The following HDAC1 variants were observed in gnomAD, a reference collection of about 807,000 sequenced individuals.
HDAC1 encodes the protein protein deacetylase HDAC1.
A neutral mutation model predicts 65.5 loss-of-function variants in HDAC1; 18 were observed. That is an observed-to-expected ratio of 0.27 (90% CI 0.19 to 0.41). The LOEUF (loss-of-function observed/expected upper bound fraction) is 0.41. Ranked by LOEUF, HDAC1 falls within the 10% of genes least tolerant of loss-of-function variation. The pLI is 1.00. For missense variants in HDAC1, 373 were observed against 625.2 expected, an observed-to-expected ratio of 0.60 and a Z score of 4.30; for synonymous variants, 211 against 227.9, an observed-to-expected ratio of 0.93 and a Z score of 0.67.
At chr1:32,314,654 A>G (rs1641034305) in intron 2 of HDAC1, among the ~76,000 whole-genome samples, 1 of 151,906 alleles carries the variant, frequency 6.6e-6, no homozygotes, top group Non-Finnish European at 1.5e-5. Flanking sequence ...GTGAAACCCC[A>G]TCTCTACTAA....
rs914883379 is a variant in HDAC1, at chr1:32,332,209, G to A, written c.1339G>A (p.Asp447Asn). The A allele has an allele frequency of 1.2e-6, 2 of 1,613,314 alleles. No homozygotes were observed. The highest frequency in any genetic ancestry group is 1.7e-6 in the Non-Finnish European group (2 of 1,179,556). ...AAAAGCCAAGAGAGTCAAAACAGAGGATGAAAAAGAGAAAGACCCAGAGGA... is the reference window on the plus strand; with the variant it reads ...AAAAGCCAAGAGAGTCAAAACAGAGAATGAAAAAGAGAAAGACCCAGAGGA... ...FKKAKRVKTE[D>N]EKEKDPEEKK... The change falls in exon 12 of 14, where the codon GAT becomes AAT. Residue 447 changes from aspartate (D) to asparagine (N), a missense_variant. Around this residue, in one of 4 missense-constraint regions of HDAC1, gnomAD observed 126 missense variants for 126.2 expected, o/e 1.00. Coordinates refer to ENST00000373548, the MANE Select transcript of HDAC1 (RefSeq NM_004964.3).
intron 6 of HDAC1, 126 bp from the exon 7 acceptor site, chr1:32,328,942 G>A: frequency 1.4e-6 from 1 of 726,160 alleles, no homozygotes; most frequent in Non-Finnish European, 2.5e-6. Flanking sequence ...CCTCTGTTCT[G>A]TCCTGGCCCA....
intron 6 of HDAC1, among the ~76,000 whole-genome samples, chr1:32,328,722 G>C (rs542579113): frequency 2.0e-5 from 3 of 152,186 alleles, no homozygotes; most frequent in Non-Finnish European, 4.4e-5. Flanking sequence ...GAGTGGAAAG[G>C]GTTGTCAAGG....
rs1640973239 is a variant in HDAC1 at position 32,310,337 on chromosome 1, A to C, written c.163-6328A>C. The stretch of plus-strand genomic sequence containing the variant: ...TCTGGTTTTCCAAGCCAGGTTAAAG[A>C]GTTTGAACTTGATATTTTGAGTAAT... On this transcript the variant is annotated intron_variant, in intron 2 of 13. Coordinates refer to ENST00000373548, the MANE Select transcript of HDAC1 (RefSeq NM_004964.3). Among the ~76,000 whole-genome samples the C allele has an allele frequency of 2.6e-5, 4 of 152,160 alleles. No homozygotes were observed. The South Asian group carries it at 8.3e-4, about 32-fold the overall frequency.
At chr1:32,322,274 C>CTTT (rs796152563) in intron 3 of HDAC1, among the ~76,000 whole-genome samples, 1 of 144,350 alleles carries the variant, frequency 6.9e-6, no homozygotes, top group Non-Finnish European at 1.5e-5. Flanking sequence ...TCAGCAGTTA[C>CTTT]TTTTTTTTTT....
At chr1:32,310,496 T>G (rs1640974953) in intron 2 of HDAC1, among the ~76,000 whole-genome samples, 2 of 152,126 alleles carry the variant, frequency 1.3e-5, no homozygotes, top group Admixed American at 6.6e-5. Flanking sequence ...GAAGATCACT[T>G]GAGCCCAGGA....
rs554797945 is a variant in HDAC1 at position 32,330,328 on chromosome 1, A to G, written c.730-250A>G. On this transcript the variant is annotated intron_variant, in intron 7 of 13. Coordinates refer to ENST00000373548, the MANE Select transcript of HDAC1 (RefSeq NM_004964.3). This position sits in a 1 kb window ranked among gnomAD's most constrained non-coding sequence, Gnocchi z 4.2. ...GCAACAGAAGAGACTTAGGGAGTTG[A>G]GAGGGAGGCCATTCTAGGTTCAGTG... 120 of 467,166 alleles carry G rather than the reference A, an allele frequency of 2.6e-4. No individual in the cohort carries two copies. Among genetic ancestry groups the G allele is most frequent in the African/African-American group, 2.0e-3 (101 of 51,142 alleles). The allele number at this position is 467,166 out of a possible 1,614,324, so 28.9% of individuals were successfully genotyped here.
In HDAC1 at chr1:32,323,765, G is replaced by A. The variant is rs537195501; in HGVS notation, c.281-714G>A. On this transcript the variant is annotated intron_variant, in intron 3 of 13. Coordinates refer to ENST00000373548, the MANE Select transcript of HDAC1 (RefSeq NM_004964.3). ...AGCTTGTGTGAAGATGAATGATCTC[G>A]GGTATTTAACGCATGTAGCGCAGTG... Among the ~76,000 whole-genome samples, 6 of 152,226 alleles carry A rather than the reference G, an allele frequency of 3.9e-5. No individual in the cohort carries two copies. In the South Asian group the frequency reaches 8.3e-4, roughly 21 times the overall value.
At position 32,321,236 on chromosome 1, in the gene HDAC1, A is replaced by G. The variant is rs903983259; in HGVS notation, c.281-3243A>G. ...ACAGAGCAAGACTCTGTCTCAAAAA[A>G]AAAAAAATAATAATAATAATATAAT... is the stretch of plus-strand genomic sequence containing the variant. On this transcript the variant is annotated intron_variant, in intron 3 of 13. Transcript: ENST00000373548. 1.1e-4 allele frequency among the ~76,000 whole-genome samples: 17 copies of G among 151,680 alleles called. 1 individual carries two copies. Among genetic ancestry groups the G allele is most frequent in the African/African-American group, 4.1e-4 (17 of 41,418 alleles).
intron 1 of HDAC1, among the ~76,000 whole-genome samples, chr1:32,296,295 G>A (rs1327845987): frequency 6.6e-6 from 1 of 152,256 alleles, no homozygotes; most frequent in Non-Finnish European, 1.5e-5. Context: ...AAGTGTTGGC[G>A]GCAACTGGGG....
chr1:32,308,315 G>A (rs530120224), intron 2 of HDAC1, among the ~76,000 whole-genome samples: 23 of 152,052 alleles, frequency 1.5e-4, no homozygotes, highest in African/African-American at 5.3e-4. Context: ...GTGAAACTCC[G>A]TCTCAAAAAA....
chr1:32,318,215 C>T (rs897236050), intron 3 of HDAC1, among the ~76,000 whole-genome samples: 6 of 152,214 alleles, frequency 3.9e-5, no homozygotes, highest in Admixed American at 3.9e-4. Context: ...TCCCCAAGTG[C>T]TGGGATTATA....
At chr1:32,325,239 C>T (rs955130089) in intron 4 of HDAC1, among the ~76,000 whole-genome samples, 3 of 152,222 alleles carry the variant, frequency 2.0e-5, no homozygotes, top group Non-Finnish European at 4.4e-5. Context: ...GTCAGAAATA[C>T]TCCTCATGTA....
At chr1:32,303,826 C>T (rs1405038035) in intron 2 of HDAC1, among the ~76,000 whole-genome samples, 2 of 152,096 alleles carry the variant, frequency 1.3e-5, no homozygotes, top group African/African-American at 2.4e-5. Flanking sequence ...TGCACCACTG[C>T]ACTCCAGCCT....
chr1:32,294,196 G>A (rs1026684407), intron 1 of HDAC1, among the ~76,000 whole-genome samples: 1 of 152,154 alleles, frequency 6.6e-6, no homozygotes, highest in Non-Finnish European at 1.5e-5. Flanking sequence ...AGGCTGGAGT[G>A]CAGTGGCTTG....
intron 3 of HDAC1, among the ~76,000 whole-genome samples, chr1:32,320,938 A>C (rs1384605289): frequency 6.7e-6 from 1 of 149,766 alleles, no homozygotes; most frequent in Non-Finnish European, 1.5e-5. Context: ...AAAAGAAAAA[A>C]ACATATTTTA....
At chr1:32,313,300 G>T (rs898332371) in intron 2 of HDAC1, among the ~76,000 whole-genome samples, 2 of 151,530 alleles carry the variant, frequency 1.3e-5, no homozygotes, top group Admixed American at 6.6e-5. Context: ...TCGCTGTGTT[G>T]GCCAGGGTGG....
Position 32,330,474 on chromosome 1 carries a change from G to A in HDAC1, c.730-104G>A. ...TCTCTCCCACATAGCATGAGGGAGA[G>A]TGGAAAGGTAGGAGTGGGTGGGAAA... On this transcript the variant is annotated intron_variant, in intron 7 of 13. Transcript: ENST00000373548. This position sits in a 1 kb window ranked among gnomAD's most constrained non-coding sequence, Gnocchi z 4.2. 2.5e-6 allele frequency: 2 copies of A among 788,166 alleles called. No homozygotes were observed. Among genetic ancestry groups the A allele is most frequent in the Non-Finnish European group, 4.5e-6 (2 of 442,582 alleles). The allele number at this position is 788,166 out of a possible 1,614,324, so 48.8% of individuals were successfully genotyped here.
intron 1 of HDAC1, among the ~76,000 whole-genome samples, chr1:32,296,927 C>T (rs983820331): frequency 4.6e-5 from 7 of 151,922 alleles, no homozygotes; most frequent in African/African-American, 1.2e-4. Flanking sequence ...CTTTGTGATG[C>T]GAGGGTAAAT....
Sources: allele counts gnomAD v4.1 joint callset (sites outside exome capture counted in the v4.1 genomes callset), GRCh38; gene constraint gnomAD v4.1.1; regional missense constraint gnomAD v4.1.1; non-coding constraint Gnocchi (gnomAD v3.1); transcripts MANE v1.5; gene names NCBI Gene and HGNC (gene_info 2026-07-23, HGNC 2026-07-21).